The following VPS9D1 variants were observed in gnomAD, a reference collection of about 807,000 sequenced individuals.
The protein encoded by VPS9D1 is VPS9 domain containing 1.
VPS9D1 carries 78 observed loss-of-function variants against 75.8 expected under a neutral mutation model. The ratio of observed to expected loss-of-function variants is 1.03; its 90% confidence interval spans 0.86 to 1.24. The LOEUF is 1.24. Among genes scored for constraint, VPS9D1 ranks in the 50% most tolerant of loss-of-function variants. VPS9D1 has a pLI of 0.00. For synonymous variants in VPS9D1, 481 were observed against 385.6 expected (o/e 1.25, Z -2.90); for missense variants, 1,057 against 847.7 (o/e 1.25, Z -3.07).
At position 89,712,101 on chromosome 16, in the gene VPS9D1, T is replaced by G. The variant is rs2060945380; in HGVS notation, c.607-2A>C. 1.9e-6 allele frequency: 3 copies of G among 1,548,174 alleles called. No individual in the cohort carries two copies. The highest frequency in any genetic ancestry group is 2.6e-6 in the Non-Finnish European group (3 of 1,146,802). ...GCGCTCCTCCATCTTTCTCTGGAGC[T>G]GGGTGCAGAGTCAAGGGGCCGAGCG... On this transcript the variant is annotated splice_acceptor_variant, in intron 6 of 14. Transcript: ENST00000389386. LOFTEE classifies it high-confidence loss of function.
chr16:89,709,977 G>T (rs2060878845), intron 10 of VPS9D1, 71 bp from the exon 11 acceptor site: 7 of 1,522,874 alleles, frequency 4.6e-6, no homozygotes, highest in African/African-American at 2.8e-5. Flanking sequence ...CTAAGCCACG[G>T]GGCCTTTCTC....
intron 14 of VPS9D1, 97 bp from the exon 15 acceptor site, chr16:89,708,051 T>C (rs2060831086): frequency 7.9e-7 from 1 of 1,261,220 alleles, no homozygotes; most frequent in Non-Finnish European, 1.1e-6. Context: ...GTTCAGGACC[T>C]GGGTGCTGAG....
chr16:89,719,407 T>G (rs1303605730), intron 1 of VPS9D1: 10 of 518,580 alleles, frequency 1.9e-5, no homozygotes, highest in Middle Eastern at 5.4e-4. Flanking sequence ...GCACAGGAAC[T>G]GATATTCTCA....
At chr16:89,716,410 C>T (rs1454991690) in intron 4 of VPS9D1, 52 bp downstream of exon 4, 2 of 1,604,344 alleles carry the variant, frequency 1.2e-6, no homozygotes, top group Non-Finnish European at 1.7e-6. Context: ...TCTTTCTCAG[C>T]CTCAAAAACC....
chr16:89,718,858 C>T (rs879522062), intron 2 of VPS9D1, among the ~76,000 whole-genome samples, 169 bp downstream of exon 2: 1 of 152,076 alleles, frequency 6.6e-6, no homozygotes, highest in Non-Finnish European at 1.5e-5. Context: ...GGACTACAGA[C>T]ACCCGCCACC....
intron 13 of VPS9D1, 21 bp from the exon 14 acceptor site, chr16:89,708,552 C>G: frequency 6.2e-7 from 1 of 1,606,998 alleles, no homozygotes; most frequent in Non-Finnish European, 8.5e-7. Flanking sequence ...GGCATAGCGG[C>G]CTTGGGTTGG....
rs570327566 is a variant in VPS9D1 at position 89,718,851 on chromosome 16, C to T, written c.175+176G>A. Among the ~76,000 whole-genome samples, 5 of 152,074 alleles carry T rather than the reference C, an allele frequency of 3.3e-5. No homozygotes were observed. In the East Asian group the frequency reaches 9.7e-4, roughly 29 times the overall value. ...GCCTCAGCCTCCCGAGTAGCTGGGACTACAGACACCCGCCACCAGGCCCAG... is the reference window on the plus strand; with the variant it reads ...GCCTCAGCCTCCCGAGTAGCTGGGATTACAGACACCCGCCACCAGGCCCAG... On this transcript the variant is annotated intron_variant, in intron 2 of 14. Coordinates refer to ENST00000389386, the MANE Select transcript of VPS9D1 (RefSeq NM_004913.3).
rs762149203 is a variant in VPS9D1, at chr16:89,709,875, G to A, written c.1290C>T (p.Phe430=). 40 of 1,612,872 alleles carry A rather than the reference G, an allele frequency of 2.5e-5. No homozygotes were observed. The highest frequency in any genetic ancestry group is 5.5e-5 in the South Asian group (5 of 91,024). ...TGGAGGCAGCTGTGTTTAGGCCTTC[G>A]AAGGCCAGAAGGGTCAGCGAGAGCA... is the stretch of plus-strand genomic sequence containing the variant. The part of the protein sequence containing the change: ...DRLLSLTLLA[F]EGLNTAASKD... Residue 430 remains phenylalanine (F), a synonymous_variant, in exon 11 of 15, where the codon TTC becomes TTT. Transcript: ENST00000389386.
At position 89,719,100 on chromosome 16, in the gene VPS9D1, C is replaced by T. The variant is rs749868910; in HGVS notation, c.102G>A (p.Glu34=). The part of the protein sequence containing the change: ...IELDTGNRPR[E]AYTEYLRSIH... Reference sequence around the variant, plus strand: ...TGCTCCTCAGGTATTCCGTGTATGCCTCCTGTGTCCAGGAAAGAGAAAGAG... The same window carrying T: ...TGCTCCTCAGGTATTCCGTGTATGCTTCCTGTGTCCAGGAAAGAGAAAGAG... Residue 34 remains glutamate, a splice_region_variant and synonymous_variant, in exon 2 of 15, where the codon GAG becomes GAA. Coordinates refer to ENST00000389386, the MANE Select transcript of VPS9D1 (RefSeq NM_004913.3). The T allele has an allele frequency of 7.7e-5, 124 of 1,613,368 alleles. No individual in the cohort carries two copies. The highest frequency in any genetic ancestry group is 9.2e-5 in the Non-Finnish European group (109 of 1,179,806).
chr16:89,710,835 G>T lies in VPS9D1; in HGVS notation c.1009C>A (p.Pro337Thr). 6.5e-7 allele frequency: 1 copy of T among 1,529,266 alleles called. No individual in the cohort carries two copies. The allele number at this position is 1,529,266 out of a possible 1,614,324, so 94.7% of individuals were successfully genotyped here. A position where few individuals can be genotyped will look rare whatever the true frequency, so the allele number is the denominator to read the frequency against. ...CGCGGGGCTGCGCTGGGCTCGGGCG[G>T]GGACAGCATGCAATGGAGGCTCTGC... Reference protein sequence around the residue: ...PSQSLHCMLSPPEPSAAPRPQ... With the variant: ...PSQSLHCMLSTPEPSAAPRPQ... The change falls in exon 10 of 15, where the codon CCG becomes ACG. Residue 337 changes from proline to threonine, a missense_variant. By Grantham distance (38) the Pro-to-Thr change is conservative. Coordinates refer to ENST00000389386, the MANE Select transcript of VPS9D1 (RefSeq NM_004913.3).
intron 2 of VPS9D1, chr16:89,717,832 G>A (rs767479437): frequency 4.4e-6 from 2 of 456,548 alleles, no homozygotes; most frequent in South Asian, 3.1e-5. Context: ...AGCTCCCCCT[G>A]ACCTGTGTGA....
intron 2 of VPS9D1, chr16:89,718,122 G>C (rs890736611): frequency 2.2e-6 from 1 of 451,622 alleles, no homozygotes; most frequent in African/African-American, 2.0e-5. Context: ...TTTGTGCAGC[G>C]GCTGCTGGCC....
chr16:89,711,075 G>T, intron 9 of VPS9D1, 65 bp from the exon 10 acceptor site: 1 of 1,397,570 alleles, frequency 7.2e-7, no homozygotes, highest in East Asian at 2.5e-5. Flanking sequence ...CACAGGTGCC[G>T]CGCTATGCCC....
intron 1 of VPS9D1, chr16:89,720,353 C>T (rs56283750): frequency 0.61 from 561,934 of 922,234 alleles, 179,847 homozygotes; most frequent in Middle Eastern, 0.67. Context: ...CACAAATGAG[C>T]AGGTATGTGG....
At position 89,709,367 on chromosome 16, in the gene VPS9D1, G is replaced by A. The variant is rs1313752428; in HGVS notation, c.1457C>T (p.Thr486Ile). Residue 486 changes from threonine to isoleucine, a missense_variant, in exon 12 of 15, where the codon ACC (threonine) becomes ATC (isoleucine). Physicochemically the swap from Thr to Ile is moderately conservative, Grantham distance 89. Coordinates refer to ENST00000389386, the MANE Select transcript of VPS9D1 (RefSeq NM_004913.3). ...GAGCTTGGTGGGGATGCCAATGGCG[G>A]TGGGGGGTGCATTCCTGTAGAGCTC... Reference protein sequence around the residue: ...SMELYRNAPPTAIGIPTKLLP... With the variant: ...SMELYRNAPPIAIGIPTKLLP... The A allele has an allele frequency of 1.3e-6, 2 of 1,573,466 alleles. No individual in the cohort carries two copies. Among genetic ancestry groups the A allele is most frequent in the Middle Eastern group, 2.0e-4 (1 of 5,052 alleles).
At chr16:89,719,229 G>C (rs1418997159) in intron 1 of VPS9D1, 127 bp from the exon 2 acceptor site, 1 of 895,248 alleles carries the variant, frequency 1.1e-6, no homozygotes, top group East Asian at 2.5e-5. Context: ...GATACACCCA[G>C]AGACATTGAG....
intron 9 of VPS9D1, 73 bp downstream of exon 9, chr16:89,711,254 C>T (rs2060910890): frequency 1.3e-6 from 2 of 1,483,094 alleles, no homozygotes; most frequent in Admixed American, 2.0e-5. Context: ...AGCCCCTCTC[C>T]GGCACCTGGC....
intron 13 of VPS9D1, 33 bp from the exon 14 acceptor site, chr16:89,708,564 G>C (rs745543200): frequency 2.5e-6 from 4 of 1,594,086 alleles, no homozygotes; most frequent in Admixed American, 3.5e-5. Context: ...TTGGGTTGGG[G>C]CCAGGAGCCT....
chr16:89,711,912 G>A lies in VPS9D1; in HGVS notation c.717C>T (p.Tyr239=), dbSNP rs369248771. ...TPEEREQRAL[Y]AAILEYEQDH... is the part of the protein sequence containing the mutation. ...CCTGTTCGTACTCCAGGATGGCGGCGTAAAGGGCCCGCTGCTCCCGTTCCT... is the reference window on the plus strand; with the variant it reads ...CCTGTTCGTACTCCAGGATGGCGGCATAAAGGGCCCGCTGCTCCCGTTCCT... Residue 239 remains tyrosine, a synonymous_variant, in exon 8 of 15, where the codon TAC becomes TAT. Transcript: ENST00000389386. 1,821 of 1,551,504 alleles carry A rather than the reference G, an allele frequency of 1.2e-3. 1 individual carries two copies. Among genetic ancestry groups the A allele is most frequent in the Non-Finnish European group, 1.5e-3 (1,753 of 1,147,140 alleles).
Sources: allele counts gnomAD v4.1 joint callset (sites outside exome capture counted in the v4.1 genomes callset), GRCh38; gene constraint gnomAD v4.1.1; transcripts MANE v1.5; gene names NCBI Gene and HGNC (gene_info 2026-07-23, HGNC 2026-07-21).